The following RAB38 variants were observed in gnomAD, a reference collection of about 807,000 sequenced individuals.
RAB38 encodes the protein ras-related protein Rab-38.
Under a neutral mutation model 18.4 loss-of-function variants are expected in RAB38, and 15 were observed. The ratio of observed to expected loss-of-function variants is 0.82; its 90% CI spans 0.55 to 1.26. RAB38 has a LOEUF of 1.26. RAB38 is among the 50% of genes most tolerant of loss of function. The probability of loss-of-function intolerance (pLI) is 0.00; values close to 1 mark genes in which losing one functional copy is unlikely to be tolerated. For missense variants in RAB38, 294 were observed against 267.4 expected, an observed-to-expected ratio of 1.10 and a Z score of -0.69; for synonymous variants, 101 against 104.4, an observed-to-expected ratio of 0.97 and a Z score of 0.20.
At chr11:87,918,804 C>A in the RAB38 span, among the ~76,000 whole-genome samples, 1 of 151,900 alleles carries the variant, frequency 6.6e-6, no homozygotes, top group Non-Finnish European at 1.5e-5. Context: ...CAAATATTTA[C>A]TTCCATTCCA....
chr11:88,023,406 T>A, the RAB38 span, among the ~76,000 whole-genome samples: 1 of 150,590 alleles, frequency 6.6e-6, no homozygotes, highest in Non-Finnish European at 1.5e-5. Context: ...AAAAGAATAC[T>A]AAAAAAGTAA....
At chr11:87,869,874 A>G in the RAB38 span, among the ~76,000 whole-genome samples, 46 of 151,814 alleles carry the variant, frequency 3.0e-4, 2 homozygotes, top group South Asian at 8.7e-3. Context: ...CCTGTTGCCA[A>G]TCAAAGCAAC....
the RAB38 span, among the ~76,000 whole-genome samples, chr11:88,080,593 T>TA: frequency 8.6e-5 from 13 of 150,790 alleles, no homozygotes; most frequent in East Asian, 5.9e-4. Context: ...TCCAAACAAT[T>TA]AAAAAAAAAG....
At chr11:87,881,532 C>G in the RAB38 span, among the ~76,000 whole-genome samples, 4 of 151,826 alleles carry the variant, frequency 2.6e-5, no homozygotes, top group African/African-American at 7.3e-5. Flanking sequence ...TCTCTACATT[C>G]ATTTGTTATT....
At chr11:88,012,418 G>A in the RAB38 span, among the ~76,000 whole-genome samples, 1 of 152,072 alleles carries the variant, frequency 6.6e-6, no homozygotes, top group Non-Finnish European at 1.5e-5. Context: ...GGAGGAAGAC[G>A]GTGGGAACCA....
At chr11:87,906,022 C>T in the RAB38 span, among the ~76,000 whole-genome samples, 1 of 151,976 alleles carries the variant, frequency 6.6e-6, no homozygotes, top group African/African-American at 2.4e-5. Context: ...GAAAGCTGGG[C>T]AATCATGAGG....
the RAB38 span, among the ~76,000 whole-genome samples, chr11:88,103,236 C>T: frequency 6.6e-6 from 1 of 151,866 alleles, no homozygotes; most frequent in Non-Finnish European, 1.5e-5. Context: ...GACTCTGAGA[C>T]ATATGATAAC....
the RAB38 span, among the ~76,000 whole-genome samples, chr11:87,923,176 C>T: frequency 1.3e-5 from 2 of 151,722 alleles, no homozygotes; most frequent in Non-Finnish European, 2.9e-5. Context: ...GGTGGTCCTG[C>T]GTTGGGGTGG....
chr11:87,818,257 G>C, the RAB38 span, among the ~76,000 whole-genome samples: 12 of 152,002 alleles, frequency 7.9e-5, no homozygotes, highest in Non-Finnish European at 1.6e-4. Context: ...CTAAAAGAAA[G>C]GGAAAACAAT....
the RAB38 span, among the ~76,000 whole-genome samples, chr11:88,043,961 T>A: frequency 1.3e-5 from 2 of 152,158 alleles, no homozygotes; most frequent in African/African-American, 2.4e-5. Context: ...TAAGCAACCT[T>A]TTTTTTACTC....
chr11:87,930,708 T>G, the RAB38 span, among the ~76,000 whole-genome samples: 1 of 152,200 alleles, frequency 6.6e-6, no homozygotes. Context: ...GGTCCAATGT[T>G]TAAGTCTTTA....
At chr11:88,148,570 T>G (rs1943021365) in intron 2 of RAB38, among the ~76,000 whole-genome samples, 1 of 152,292 alleles carries the variant, frequency 6.6e-6, no homozygotes, top group Middle Eastern at 3.4e-3. Context: ...GAAAACCCAT[T>G]AGAGGTTCCT....
chr11:88,120,424 T>C (rs1337456200), intron 2 of RAB38, among the ~76,000 whole-genome samples: 1 of 152,190 alleles, frequency 6.6e-6, no homozygotes, highest in Non-Finnish European at 1.5e-5. Context: ...AGTTTTGTAC[T>C]TTACCATGGT....
chr11:88,043,810 G>A, the RAB38 span, among the ~76,000 whole-genome samples: 9 of 152,160 alleles, frequency 5.9e-5, no homozygotes, highest in Admixed American at 3.3e-4. Context: ...AAATTTTGGC[G>A]CCATGGCTGG....
chr11:87,825,424 G>A, the RAB38 span, among the ~76,000 whole-genome samples: 9 of 152,028 alleles, frequency 5.9e-5, no homozygotes, highest in Non-Finnish European at 1.3e-4. Flanking sequence ...TGCCAGCAGG[G>A]TTGGCTTCCT....
the RAB38 span, among the ~76,000 whole-genome samples, chr11:87,923,228 A>C: frequency 6.6e-6 from 1 of 151,922 alleles, no homozygotes; most frequent in Non-Finnish European, 1.5e-5. Context: ...ATTAGTATTA[A>C]TATTACCACC....
chr11:87,878,339 C>G, the RAB38 span, among the ~76,000 whole-genome samples: 1 of 149,506 alleles, frequency 6.7e-6, no homozygotes, highest in African/African-American at 2.5e-5. Context: ...TATCATCTAT[C>G]TATCTATCAT....
At chr11:87,844,796 C>G in the RAB38 span, among the ~76,000 whole-genome samples, 1 of 152,128 alleles carries the variant, frequency 6.6e-6, no homozygotes, top group Non-Finnish European at 1.5e-5. Context: ...TTAACATAAA[C>G]CCCGAGCAAA....
the RAB38 span, among the ~76,000 whole-genome samples, chr11:87,855,510 TTAATC>T: frequency 3.9e-5 from 6 of 152,302 alleles, no homozygotes; most frequent in Middle Eastern, 0.01. Flanking sequence ...GAAGTTTTAT[TTAATC>T]TAAATCATTG....
Sources: allele counts gnomAD v4.1 joint callset (sites outside exome capture counted in the v4.1 genomes callset), GRCh38; gene constraint gnomAD v4.1.1; transcripts MANE v1.5; gene names NCBI Gene and HGNC (gene_info 2026-07-23, HGNC 2026-07-21).